The following KCNAB2 variants were observed in gnomAD, a reference collection of about 807,000 sequenced individuals.
KCNAB2 encodes voltage-gated potassium channel subunit beta-2.
A neutral mutation model predicts 63.6 loss-of-function variants in KCNAB2; 29 were observed. The ratio of observed to expected loss-of-function variants is 0.46; its 90% CI spans 0.34 to 0.62. The LOEUF is 0.62. Ranked by LOEUF, KCNAB2 falls within the 20% of genes least tolerant of loss-of-function variation. The pLI is 0.01. For missense variants in KCNAB2, 359 were observed against 563.9 expected, an observed-to-expected ratio of 0.64 and a Z score of 3.68; for synonymous variants, 222 against 224.2, an observed-to-expected ratio of 0.99 and a Z score of 0.09.
At chr1:6,008,964 C>T (rs1657988231) in intron 1 of KCNAB2, among the ~76,000 whole-genome samples, 1 of 152,216 alleles carries the variant, frequency 6.6e-6, no homozygotes, top group Non-Finnish European at 1.5e-5. Context: ...TCAGTGAAAG[C>T]TGTAAAGCAG....
intron 4 of KCNAB2, among the ~76,000 whole-genome samples, chr1:6,080,515 A>G (rs1446923706): frequency 6.6e-6 from 1 of 152,136 alleles, no homozygotes; most frequent in Non-Finnish European, 1.5e-5. Context: ...CTGAAAACCG[A>G]CGGCCTCCAC....
chr1:6,077,338 A>G (rs1663749367), intron 4 of KCNAB2, among the ~76,000 whole-genome samples: 1 of 152,176 alleles, frequency 6.6e-6, no homozygotes, highest in Non-Finnish European at 1.5e-5. Flanking sequence ...AGTACAGCAA[A>G]ATCAGAGCCG....
intron 1 of KCNAB2, among the ~76,000 whole-genome samples, chr1:5,998,337 G>A (rs1557915201): frequency 6.6e-6 from 1 of 152,242 alleles, no homozygotes; most frequent in Non-Finnish European, 1.5e-5. Flanking sequence ...TGCACAGACT[G>A]AAAGAGGCAG....
chr1:6,018,609 A>G (rs1049234398), intron 1 of KCNAB2: 9 of 152,200 alleles, frequency 5.9e-5, no homozygotes, highest in Admixed American at 5.2e-4. Flanking sequence ...CACGACGCCC[A>G]GCTAATTTTT....
At chr1:6,030,668 GTGTGTGTATGTGTGTT>G (rs1420084605), upstream of KCNAB2, among the ~76,000 whole-genome samples, 2 of 150,616 alleles carry the variant, frequency 1.3e-5, no homozygotes, top group Admixed American at 6.6e-5. Context: ...CGTGTATGGG[GTGTGTGTATGTGTGTT>G]TGTGTGTATG....
intron 1 of KCNAB2, among the ~76,000 whole-genome samples, chr1:6,008,832 T>TGG (rs984392641): frequency 6.6e-6 from 1 of 152,142 alleles, no homozygotes; most frequent in Non-Finnish European, 1.5e-5. Flanking sequence ...AGAGGTCACC[T>TGG]GGGGGACTTG....
At position 6,073,814 on chromosome 1, in the gene KCNAB2, C is replaced by CGCCAGA. The variant is rs1216169113; in HGVS notation, c.300+47_300+52dup. 2 of 1,598,026 alleles carry CGCCAGA rather than the reference C, an allele frequency of 1.3e-6. No individual in the cohort carries two copies. The highest frequency in any genetic ancestry group is 3.3e-5 in the Admixed American group (2 of 59,964). The stretch of plus-strand genomic sequence containing the variant: ...AGCACCCCAGAACCCAGCACGGGCT[C>CGCCAGA]GCCAGAGCACATGGTTAAGTCTGCC... On this transcript the variant is annotated intron_variant, in intron 4 of 15. Transcript: ENST00000378083. The surrounding 1 kb of genome is among the most constrained non-coding windows in gnomAD (Gnocchi z 5.7).
At chr1:6,007,735 A>G (rs980974948) in intron 1 of KCNAB2, 3 of 140,570 alleles carry the variant, frequency 2.1e-5, no homozygotes, top group Admixed American at 6.9e-5. Flanking sequence ...TGGGCGCCGC[A>G]GTGTGTGCGC....
At chr1:6,019,462 C>G (rs1442953566) in intron 1 of KCNAB2, among the ~76,000 whole-genome samples, 1 of 152,170 alleles carries the variant, frequency 6.6e-6, no homozygotes, top group Non-Finnish European at 1.5e-5. Context: ...CAGTGTTGCT[C>G]AGGTTCTGGG....
intron 1 of KCNAB2, among the ~76,000 whole-genome samples, chr1:6,002,675 AG>A (rs1286923034): frequency 6.6e-6 from 1 of 152,120 alleles, no homozygotes; most frequent in Non-Finnish European, 1.5e-5. Context: ...AGGTGTTCCC[AG>A]GTGGCAGGCA....
intron 6 of KCNAB2, chr1:6,085,735 C>A (rs1664643236): frequency 1.4e-6 from 1 of 705,638 alleles, no homozygotes; most frequent in African/African-American, 1.9e-5. Flanking sequence ...GCACCTTGTC[C>A]ACAGGATCTT....
In KCNAB2 at chr1:6,096,539, G is replaced by C; in HGVS notation, c.949-97G>C. 3 of 1,436,574 alleles carry C rather than the reference G, an allele frequency of 2.1e-6. No individual in the cohort carries two copies. Among genetic ancestry groups the C allele is most frequent in the Non-Finnish European group, 2.8e-6 (3 of 1,073,726 alleles). 89.0% of individuals were successfully genotyped at this position (1,436,574 alleles called of 1,614,324 possible). ...TGAGAAGAGCCCCTATGAGGGAGAA[G>C]GGTCCAGAAGGAATGAGCCCATCGG... On this transcript the variant is annotated intron_variant, in intron 13 of 15. Coordinates refer to ENST00000378083, the MANE Select transcript of KCNAB2 (RefSeq NM_001199862.2). The surrounding 1 kb of genome is among the most constrained non-coding windows in gnomAD (Gnocchi z 5.9).
chr1:6,041,988 C>G, upstream of KCNAB2: 1 of 893,124 alleles, frequency 1.1e-6, no homozygotes, highest in Non-Finnish European at 1.8e-6. Context: ...CCAAAGCCCC[C>G]GAGACCCCCA....
intron 1 of KCNAB2, among the ~76,000 whole-genome samples, chr1:6,010,351 T>G (rs1658080294): frequency 6.6e-6 from 1 of 152,192 alleles, no homozygotes; most frequent in Admixed American, 6.5e-5. Context: ...TCCCATCTGC[T>G]TTCGAGGCTG....
At chr1:6,004,534 G>C (rs1272671162) in intron 1 of KCNAB2, among the ~76,000 whole-genome samples, 2 of 152,008 alleles carry the variant, frequency 1.3e-5, no homozygotes, top group Non-Finnish European at 2.9e-5. Flanking sequence ...CCTCGCTCCT[G>C]GTTCCTGGTG....
Position 6,028,404 on chromosome 1 carries a change from G to T in KCNAB2, c.-52-12113G>T, listed in dbSNP as rs1243003312. Among the ~76,000 whole-genome samples the T allele has an allele frequency of 6.6e-6, 1 of 152,206 alleles. No homozygotes were observed. Among genetic ancestry groups the T allele is most frequent in the Non-Finnish European group, 1.5e-5 (1 of 68,038 alleles). On this transcript the variant is annotated intron_variant, in intron 1 of 16. Transcript: ENST00000341524. This position sits in a 1 kb window ranked among gnomAD's most constrained non-coding sequence, Gnocchi z 4.0. ...ACAGTAGTCACGGCAGATACTTCGG[G>T]GGCTTGGCAGGGGGGACCTCCGGGG... is the stretch of plus-strand genomic sequence containing the variant.
chr1:6,098,270 G>C (rs1048303388), intron 15 of KCNAB2: 1 of 1,354,808 alleles, frequency 7.4e-7, no homozygotes, highest in Non-Finnish European at 9.5e-7. Context: ...ACATTTGAGA[G>C]GGAGTGCACA....
At chr1:6,077,244 T>G (rs1663743961) in intron 4 of KCNAB2, among the ~76,000 whole-genome samples, 1 of 151,628 alleles carries the variant, frequency 6.6e-6, no homozygotes, top group Non-Finnish European at 1.5e-5. Flanking sequence ...TGACAGCCAA[T>G]GGAAAATGCA....
At chr1:6,097,229 G>A (rs1196487960) in intron 14 of KCNAB2, 40 bp from the exon 15 acceptor site, 6 of 1,509,580 alleles carry the variant, frequency 4.0e-6, no homozygotes, top group Non-Finnish European at 5.3e-6. Flanking sequence ...GGGCCCCTGT[G>A]GTGGGTGTTT....
Sources: allele counts gnomAD v4.1 joint callset (sites outside exome capture counted in the v4.1 genomes callset), GRCh38; gene constraint gnomAD v4.1.1; non-coding constraint Gnocchi (gnomAD v3.1); transcripts MANE v1.5; gene names NCBI Gene and HGNC (gene_info 2026-07-23, HGNC 2026-07-21).